Variants in CHCHD6 observed in about 807,000 individuals in gnomAD.
CHCHD6 encodes MICOS complex subunit MIC25.
CHCHD6 carries 28 observed loss-of-function variants against 32.3 expected under a neutral mutation model. That is an observed-to-expected ratio of 0.87 (90% confidence interval 0.64 to 1.19). CHCHD6 has a LOEUF of 1.19. Among genes scored for constraint, CHCHD6 ranks in the 50% most tolerant of loss-of-function variants. The probability of loss-of-function intolerance (pLI) is 0.00; values close to 1 mark genes in which losing one functional copy is unlikely to be tolerated. For missense variants in CHCHD6, 333 were observed against 307.0 expected (o/e 1.08, Z -0.63); for synonymous variants, 122 against 117.5 (o/e 1.04, Z -0.25).
intron 2 of CHCHD6, among the ~76,000 whole-genome samples, chr3:126,730,180 A>T (rs1576346735): frequency 6.6e-6 from 1 of 152,076 alleles, no homozygotes; most frequent in Admixed American, 6.6e-5. Context: ...CAAAACCTCT[A>T]CCCGGGAGGT....
chr3:126,758,203 G>C (rs1937032305), intron 4 of CHCHD6, among the ~76,000 whole-genome samples: 1 of 152,216 alleles, frequency 6.6e-6, no homozygotes, highest in African/African-American at 2.4e-5. Context: ...CTGGTGTATT[G>C]ACAATCTTTC....
At chr3:126,919,190 G>A (rs2078209670) in intron 6 of CHCHD6, among the ~76,000 whole-genome samples, 1 of 151,726 alleles carries the variant, frequency 6.6e-6, no homozygotes, top group African/African-American at 2.4e-5. Context: ...GTAGTGTTCT[G>A]TATTGTCAAT....
At chr3:126,766,764 G>T in intron 4 of CHCHD6, 1 of 1,144,024 alleles carries the variant, frequency 8.7e-7, no homozygotes, top group South Asian at 1.2e-5. Context: ...GGGAGGTGTT[G>T]GTGGCCCCCT....
intron 4 of CHCHD6, among the ~76,000 whole-genome samples, chr3:126,747,678 G>T (rs1936559291): frequency 6.6e-6 from 1 of 152,042 alleles, no homozygotes; most frequent in Non-Finnish European, 1.5e-5. Flanking sequence ...AATTCTCATG[G>T]CCCATCAGGT....
At chr3:126,726,132 C>T (rs1247837862) in intron 1 of CHCHD6, among the ~76,000 whole-genome samples, 1 of 152,192 alleles carries the variant, frequency 6.6e-6, no homozygotes, top group Non-Finnish European at 1.5e-5. Context: ...TAAGCTTAAT[C>T]ATTTGTAGTT....
chr3:126,783,729 C>T (rs1938060203), intron 4 of CHCHD6, among the ~76,000 whole-genome samples: 1 of 152,092 alleles, frequency 6.6e-6, no homozygotes, highest in African/African-American at 2.4e-5. Context: ...AGTGAGGCTA[C>T]TTGGTTTGGA....
At chr3:126,712,597 C>T (rs1352700349) in intron 1 of CHCHD6, among the ~76,000 whole-genome samples, 2 of 152,162 alleles carry the variant, frequency 1.3e-5, no homozygotes, top group Non-Finnish European at 2.9e-5. Context: ...CCTTTTCCCT[C>T]TATTGGAAGG....
intron 5 of CHCHD6, among the ~76,000 whole-genome samples, chr3:126,905,125 C>G (rs2077986978): frequency 6.6e-6 from 1 of 152,178 alleles, no homozygotes; most frequent in Non-Finnish European, 1.5e-5. Flanking sequence ...TTCATTCATA[C>G]TTCAAGCAGG....
rs536870104 is a variant in CHCHD6, at chr3:126,734,446, G to A, written c.411+1224G>A. Among the ~76,000 whole-genome samples the A allele has an allele frequency of 2.6e-5, 4 of 152,334 alleles. No homozygotes were observed. The East Asian group carries it at 7.7e-4, about 29-fold the overall frequency. On this transcript the variant is annotated intron_variant, in intron 4 of 7. Coordinates refer to ENST00000290913, the MANE Select transcript of CHCHD6 (RefSeq NM_032343.3). ...CGATGTGAAAGCATCATTTGGGATT[G>A]TGCTCTCCTGGGAGGCCAGACATGC...
chr3:126,767,158 G>A (rs116298600), intron 4 of CHCHD6: 28,203 of 1,588,356 alleles, frequency 0.018, 330 homozygotes, highest in Middle Eastern at 0.025. Context: ...AGGAATAGAG[G>A]TTTCCTTTGC....
At position 126,767,295 on chromosome 3, in the gene CHCHD6, T is replaced by C. The variant is rs889912770; in HGVS notation, c.411+34073T>C. ...CCAAGGCCCAGCTGCCCCATCTTGTTCTCCCCAAACGCAAACACGGAGCCC... is the reference window on the plus strand; with the variant it reads ...CCAAGGCCCAGCTGCCCCATCTTGTCCTCCCCAAACGCAAACACGGAGCCC... On this transcript the variant is annotated intron_variant, in intron 4 of 7. Transcript: ENST00000290913. 5.2e-6 allele frequency: 6 copies of C among 1,158,306 alleles called. No individual in the cohort carries two copies. In the African/African-American group the frequency reaches 9.1e-5, roughly 18 times the overall value. 71.8% of individuals were successfully genotyped at this position (1,158,306 alleles called of 1,614,324 possible). A position where few individuals can be genotyped will look rare whatever the true frequency, so the allele number is the denominator to read the frequency against.
At chr3:126,721,117 C>T (rs576739704) in intron 1 of CHCHD6, among the ~76,000 whole-genome samples, 1 of 152,346 alleles carries the variant, frequency 6.6e-6, no homozygotes, top group East Asian at 1.9e-4. Flanking sequence ...TCATTCCCTG[C>T]AGTCAGGGCA....
intron 5 of CHCHD6, among the ~76,000 whole-genome samples, chr3:126,889,379 C>T (rs1271647657): frequency 6.6e-6 from 1 of 152,154 alleles, no homozygotes; most frequent in Non-Finnish European, 1.5e-5. Context: ...GAACTTGAGG[C>T]ACTGCGGAGC....
intron 1 of CHCHD6, among the ~76,000 whole-genome samples, chr3:126,711,299 C>T (rs1397011956): frequency 1.3e-5 from 2 of 152,188 alleles, no homozygotes; most frequent in Non-Finnish European, 2.9e-5. Flanking sequence ...TCTTATTCTT[C>T]CAGGCTTTAA....
intron 5 of CHCHD6, among the ~76,000 whole-genome samples, chr3:126,891,219 G>A (rs55776506): frequency 0.14 from 22,027 of 152,182 alleles, 1,764 homozygotes; most frequent in Middle Eastern, 0.26. Flanking sequence ...TGGGGGTTGT[G>A]TTAGCTAGGG....
chr3:126,835,149 T>C (rs1940804180), intron 4 of CHCHD6, among the ~76,000 whole-genome samples: 1 of 152,130 alleles, frequency 6.6e-6, no homozygotes. Flanking sequence ...CCCTGAGAGC[T>C]TAACTGATGG....
At chr3:126,918,227 G>T (rs2078198213) in intron 6 of CHCHD6, among the ~76,000 whole-genome samples, 1 of 152,210 alleles carries the variant, frequency 6.6e-6, no homozygotes, top group Non-Finnish European at 1.5e-5. Flanking sequence ...AAATGTCATA[G>T]AAATAAATGC....
chr3:126,716,533 A>T (rs1935025711), intron 1 of CHCHD6, among the ~76,000 whole-genome samples: 1 of 152,048 alleles, frequency 6.6e-6, no homozygotes, highest in Non-Finnish European at 1.5e-5. Flanking sequence ...TAGAAGGGTC[A>T]TGGATGTCAT....
chr3:126,843,517 TG>T (rs1559876335), intron 4 of CHCHD6, among the ~76,000 whole-genome samples: 1 of 152,194 alleles, frequency 6.6e-6, no homozygotes. Flanking sequence ...GCTTATGTTT[TG>T]TTTTGTAAAT....
Sources: allele counts gnomAD v4.1 joint callset (sites outside exome capture counted in the v4.1 genomes callset), GRCh38; gene constraint gnomAD v4.1.1; transcripts MANE v1.5; gene names NCBI Gene and HGNC (gene_info 2026-07-23, HGNC 2026-07-21).